SPRED2: variants seen among roughly 807,000 people sequenced by gnomAD.
The protein encoded by SPRED2 is sprouty related EVH1 domain containing 2, also known as sprouty-related, EVH1 domain-containing protein 2.
Under a neutral mutation model 43.0 loss-of-function variants are expected in SPRED2, and 47 were observed. The observed-to-expected ratio is 1.09, with a 90% confidence interval of 0.87 to 1.40. The LOEUF is 1.40. SPRED2 is among the 40% of genes most tolerant of loss of function. The probability of loss-of-function intolerance (pLI) is 0.00; values close to 1 mark genes in which losing one functional copy is unlikely to be tolerated. For synonymous variants in SPRED2, 225 were observed against 225.7 expected (o/e 1.00, Z 0.03); for missense variants, 561 against 586.4 (o/e 0.96, Z 0.45).
At chr2:65,363,075 T>C (rs1453785525) in intron 1 of SPRED2, among the ~76,000 whole-genome samples, 2 of 141,976 alleles carry the variant, frequency 1.4e-5, no homozygotes, top group South Asian at 2.2e-4. Context: ...AACCTGTCTC[T>C]ACTAAAAATA....
At chr2:65,384,915 C>T (rs1214663109) in intron 1 of SPRED2, among the ~76,000 whole-genome samples, 1 of 151,950 alleles carries the variant, frequency 6.6e-6, no homozygotes, top group Non-Finnish European at 1.5e-5. Flanking sequence ...ACTTGACACA[C>T]AGTAGATCTG....
intron 5 of SPRED2, 140 bp from the exon 6 acceptor site, chr2:65,314,309 C>G (rs1005099491): frequency 5.1e-5 from 40 of 786,104 alleles, no homozygotes; most frequent in Non-Finnish European, 7.7e-5. Flanking sequence ...CGTGAAGAAA[C>G]AGACCCTTCC....
chr2:65,401,976 T>C (rs1232885680), intron 1 of SPRED2, among the ~76,000 whole-genome samples: 3 of 98,188 alleles, frequency 3.1e-5, no homozygotes, highest in Non-Finnish European at 4.9e-5. Flanking sequence ...CACACACACC[T>C]GTTAATTTGT....
chr2:65,381,940 G>A (rs1217703270), intron 1 of SPRED2, among the ~76,000 whole-genome samples: 6 of 152,204 alleles, frequency 3.9e-5, no homozygotes, highest in African/African-American at 1.2e-4. Context: ...TTGTGGGTCT[G>A]CACTTCTGTA....
Position 65,352,904 on chromosome 2 carries a change from G to A in SPRED2, c.27-8008C>T, listed in dbSNP as rs555909366. On this transcript the variant is annotated intron_variant, in intron 1 of 5. Coordinates refer to ENST00000356388, the MANE Select transcript of SPRED2 (RefSeq NM_181784.3). ...ATCCCAAAGTGCTGGGATTACAGGC[G>A]TGAGCCACCAGGCCCAGCCAGCTTT... is the stretch of plus-strand genomic sequence containing the variant. Among the ~76,000 whole-genome samples the A allele has an allele frequency of 1.6e-4, 25 of 152,318 alleles. No homozygotes were observed. In the South Asian group the frequency reaches 4.4e-3, roughly 27 times the overall value.
intron 1 of SPRED2, among the ~76,000 whole-genome samples, chr2:65,397,063 T>C (rs1182630045): frequency 2.0e-5 from 3 of 150,740 alleles, no homozygotes; most frequent in African/African-American, 7.3e-5. Context: ...AACACAAGAA[T>C]CGTTCATGAA....
intron 1 of SPRED2, among the ~76,000 whole-genome samples, chr2:65,353,222 T>C (rs1434944873): frequency 4.6e-5 from 7 of 152,230 alleles, no homozygotes; most frequent in Admixed American, 4.6e-4. Context: ...TAAGTACTGC[T>C]GTCCTGCAAG....
At chr2:65,401,964 C>CACACAA (rs1675910929) in intron 1 of SPRED2, among the ~76,000 whole-genome samples, 1 of 151,216 alleles carries the variant, frequency 6.6e-6, no homozygotes, top group Non-Finnish European at 1.5e-5. Context: ...CACACACACA[C>CACACAA]ACACACACAC....
At chr2:65,343,735 A>G (rs1558660748) in intron 2 of SPRED2, among the ~76,000 whole-genome samples, 1 of 152,234 alleles carries the variant, frequency 6.6e-6, no homozygotes, top group Non-Finnish European at 1.5e-5. Flanking sequence ...CCTTCATAAC[A>G]TAGAACTGAA....
At chr2:65,328,958 C>G (rs1323909828) in intron 4 of SPRED2, among the ~76,000 whole-genome samples, 2 of 152,190 alleles carry the variant, frequency 1.3e-5, no homozygotes, top group Non-Finnish European at 2.9e-5. Context: ...CAAAATTCAA[C>G]AAATTCATTT....
rs188020618 is a variant in SPRED2, at chr2:65,362,173, G to A, written c.27-17277C>T. Among the ~76,000 whole-genome samples, 20 of 152,316 alleles carry A rather than the reference G, an allele frequency of 1.3e-4. No individual in the cohort carries two copies. In the East Asian group the frequency reaches 3.9e-3, roughly 29 times the overall value. On this transcript the variant is annotated intron_variant, in intron 1 of 5. Coordinates refer to ENST00000356388, the MANE Select transcript of SPRED2 (RefSeq NM_181784.3). Reference sequence around the variant, plus strand: ...CTGCTCTCAGATGTGCAGCAAAGAAGGTATCACTCTCATCCCAAGCCAAAA... The same window carrying A: ...CTGCTCTCAGATGTGCAGCAAAGAAAGTATCACTCTCATCCCAAGCCAAAA...
At chr2:65,337,509 A>G (rs1368874622) in intron 2 of SPRED2, among the ~76,000 whole-genome samples, 1 of 152,196 alleles carries the variant, frequency 6.6e-6, no homozygotes, top group Non-Finnish European at 1.5e-5. Context: ...TCCACCGTCA[A>G]CATCCCTCTC....
At chr2:65,385,085 G>C (rs536429765) in intron 1 of SPRED2, among the ~76,000 whole-genome samples, 3 of 149,618 alleles carry the variant, frequency 2.0e-5, no homozygotes, top group South Asian at 2.1e-4. Context: ...CAATTCTCCT[G>C]TCTCAGCCTC....
intron 2 of SPRED2, among the ~76,000 whole-genome samples, chr2:65,335,343 T>C (rs1022328119): frequency 1.1e-4 from 16 of 152,178 alleles, no homozygotes; most frequent in Non-Finnish European, 5.9e-5. Context: ...ATCAACCCCA[T>C]TTCAGTTGCT....
At chr2:65,362,078 A>G (rs1558668982) in intron 1 of SPRED2, among the ~76,000 whole-genome samples, 1 of 152,230 alleles carries the variant, frequency 6.6e-6, no homozygotes, top group African/African-American at 2.4e-5. Flanking sequence ...GAAATCAAGA[A>G]AGAGATAGTA....
rs564438904 is a variant in SPRED2 at position 65,311,958 on chromosome 2, T to G, written c.*1543A>C. 1.0e-6 allele frequency: 1 copy of G among 985,398 alleles called. No homozygotes were observed. The highest frequency in any genetic ancestry group is 6.1e-5 in the Admixed American group (1 of 16,280). The allele number at this position is 985,398 out of a possible 1,614,324, so 61.0% of individuals were successfully genotyped here. ...AAGGGAGTGGGGAGCAGGCCATGTC[T>G]TCTGCTGGCCGCTACCACAGAAAGA... On this transcript the variant is annotated 3_prime_UTR_variant, in exon 6 of 6. Coordinates refer to ENST00000356388, the MANE Select transcript of SPRED2 (RefSeq NM_181784.3).
At chr2:65,389,224 A>G (rs1675575909) in intron 1 of SPRED2, among the ~76,000 whole-genome samples, 1 of 150,108 alleles carries the variant, frequency 6.7e-6, no homozygotes, top group Non-Finnish European at 1.5e-5. Context: ...AGAGACAGCA[A>G]TACAAAGACA....
At chr2:65,353,318 C>T (rs748232661) in intron 1 of SPRED2, among the ~76,000 whole-genome samples, 2 of 152,102 alleles carry the variant, frequency 1.3e-5, no homozygotes, top group African/African-American at 2.4e-5. Context: ...TTGGATAAGC[C>T]GAGCATCTTT....
At chr2:65,367,368 C>A (rs956494345) in intron 1 of SPRED2, among the ~76,000 whole-genome samples, 3 of 152,102 alleles carry the variant, frequency 2.0e-5, no homozygotes, top group African/African-American at 7.2e-5. Flanking sequence ...GTGGCAAAAT[C>A]TTGATAAATG....
Sources: allele counts gnomAD v4.1 joint callset (sites outside exome capture counted in the v4.1 genomes callset), GRCh38; gene constraint gnomAD v4.1.1; transcripts MANE v1.5; gene names NCBI Gene and HGNC (gene_info 2026-07-23, HGNC 2026-07-21).